Variants in ANO3 observed in about 807,000 individuals in gnomAD.
The protein encoded by ANO3 is anoctamin-3.
Under a neutral mutation model 144.8 loss-of-function variants are expected in ANO3, and 99 were observed. That is an observed-to-expected ratio of 0.68 (90% CI 0.58 to 0.81). The LOEUF is 0.81. Ranked by LOEUF, ANO3 falls within the 30% of genes least tolerant of loss-of-function variation. ANO3 has a pLI of 0.00. For synonymous variants in ANO3, 414 were observed against 392.6 expected (o/e 1.05, Z -0.64); for missense variants, 905 against 1,202.2 (o/e 0.75, Z 3.66).
chr11:26,535,847 T>G lies in ANO3; in HGVS notation c.976+1285T>G, dbSNP rs562125058. The stretch of plus-strand genomic sequence containing the variant: ...ATCTGCCCGCCTCAGCCTCCCAAAG[T>G]GCTGGGATTACAGGTGTGAGCCACT... On this transcript the variant is annotated intron_variant, in intron 9 of 26. Transcript: ENST00000256737. Among the ~76,000 whole-genome samples the G allele has an allele frequency of 6.1e-4, 93 of 151,992 alleles. 1 individual carries two copies. Among genetic ancestry groups the G allele is most frequent in the African/African-American group, 2.1e-3 (87 of 41,474 alleles).
intron 1 of ANO3, among the ~76,000 whole-genome samples, chr11:26,312,707 T>A (rs1442880527): frequency 6.6e-6 from 1 of 152,174 alleles, no homozygotes; most frequent in Non-Finnish European, 1.5e-5. Context: ...TTCTTGTAAA[T>A]TTGTTTAAGT....
In ANO3 at chr11:26,531,186, A is replaced by C; in HGVS notation, c.738-19A>C. 1.2e-6 allele frequency: 2 copies of C among 1,613,638 alleles called. No individual in the cohort carries two copies. Among genetic ancestry groups the C allele is most frequent in the East Asian group, 2.2e-5 (1 of 44,856 alleles). On this transcript the variant is annotated intron_variant, in intron 7 of 26. Coordinates refer to ENST00000256737, the MANE Select transcript of ANO3 (RefSeq NM_031418.4). ...TGGAATACAACCTAATCTAGTTCTC[A>C]AATGTGACTTCATTCCAGGATGCAA... is the stretch of plus-strand genomic sequence containing the variant.
At chr11:26,349,019 T>C (rs1308687077) in intron 1 of ANO3, among the ~76,000 whole-genome samples, 3 of 152,214 alleles carry the variant, frequency 2.0e-5, no homozygotes, top group Non-Finnish European at 2.9e-5. Context: ...GGAGGACTTA[T>C]GATTGTTCAC....
chr11:26,437,536 G>A (rs1858338438), intron 1 of ANO3, among the ~76,000 whole-genome samples: 1 of 152,188 alleles, frequency 6.6e-6, no homozygotes, highest in Admixed American at 6.5e-5. Context: ...TGGTCAGCTT[G>A]TTTTCTTGAT....
chr11:26,620,891 A>G (rs1852395818), intron 17 of ANO3, among the ~76,000 whole-genome samples: 1 of 152,212 alleles, frequency 6.6e-6, no homozygotes. Context: ...GTAATGTCAA[A>G]TGACTCATCT....
At chr11:26,250,081 T>TA (rs1372194070) in intron 1 of ANO3, among the ~76,000 whole-genome samples, 1 of 152,208 alleles carries the variant, frequency 6.6e-6, no homozygotes. Context: ...TAGCCCTACA[T>TA]AACTACAACC....
intron 19 of ANO3, 70 bp downstream of exon 19, chr11:26,634,385 T>C: frequency 1.0e-6 from 1 of 982,884 alleles, no homozygotes; most frequent in South Asian, 1.6e-5. Flanking sequence ...TGACGATTAC[T>C]GTTCTTACTC....
chr11:26,652,395 G>A (rs1280691712), intron 24 of ANO3, among the ~76,000 whole-genome samples: 2 of 152,026 alleles, frequency 1.3e-5, no homozygotes, highest in Admixed American at 6.5e-5. Context: ...TTCCACAGAC[G>A]TCTATTATCA....
intron 1 of ANO3, among the ~76,000 whole-genome samples, chr11:26,323,884 T>A (rs1431141911): frequency 6.6e-6 from 1 of 152,160 alleles, no homozygotes. Flanking sequence ...CATATTCCCA[T>A]CTCCATCTTA....
At chr11:26,321,081 C>A (rs1000897765) in intron 1 of ANO3, among the ~76,000 whole-genome samples, 1 of 152,044 alleles carries the variant, frequency 6.6e-6, no homozygotes, top group African/African-American at 2.4e-5. Context: ...TCTCCTTGGA[C>A]AATGTACTGT....
Position 26,656,108 on chromosome 11 carries a change from T to C in ANO3, c.2577-17T>C. ...GTATGAATCTTTGAATCACATGATA[T>C]TTTTCTTTTCTCCCAGTTGCTTGAA... On this transcript the variant is annotated splice_polypyrimidine_tract_variant and intron_variant, in intron 24 of 26. Transcript: ENST00000256737. 7 of 1,587,786 alleles carry C rather than the reference T, an allele frequency of 4.4e-6. No individual in the cohort carries two copies. Among genetic ancestry groups the C allele is most frequent in the Non-Finnish European group, 6.0e-6 (7 of 1,158,716 alleles).
chr11:26,429,176 T>C (rs1361258092), intron 1 of ANO3, among the ~76,000 whole-genome samples: 1 of 152,146 alleles, frequency 6.6e-6, no homozygotes, highest in East Asian at 1.9e-4. Context: ...GTAGGGGTGC[T>C]ACTGCTGCTG....
At chr11:26,630,284 T>C (rs1852733743) in intron 18 of ANO3, among the ~76,000 whole-genome samples, 1 of 152,260 alleles carries the variant, frequency 6.6e-6, no homozygotes, top group African/African-American at 2.4e-5. Flanking sequence ...TTAATTTTCT[T>C]GACAATGTTT....
At chr11:26,508,299 G>A (rs926752002) in intron 5 of ANO3, 37 bp downstream of exon 5, 4 of 1,543,618 alleles carry the variant, frequency 2.6e-6, no homozygotes, top group Non-Finnish European at 3.5e-6. Flanking sequence ...GTGATAAAAT[G>A]TGTTGGAACA....
At chr11:26,393,840 G>A in intron 1 of ANO3, among the ~76,000 whole-genome samples, 1 of 152,060 alleles carries the variant, frequency 6.6e-6, no homozygotes. Flanking sequence ...TGCACATACT[G>A]CTAAATATTT....
At chr11:26,282,240 G>A (rs1361470325) in intron 1 of ANO3, among the ~76,000 whole-genome samples, 1 of 151,906 alleles carries the variant, frequency 6.6e-6, no homozygotes, top group East Asian at 1.9e-4. Context: ...CCAAAGAAAA[G>A]CATATATCTA....
chr11:26,473,669 T>C (rs1859860441), intron 4 of ANO3, among the ~76,000 whole-genome samples: 2 of 151,878 alleles, frequency 1.3e-5, no homozygotes, highest in Admixed American at 6.6e-5. Context: ...CCACCTCCCA[T>C]GTTAATCTGC....
intron 18 of ANO3, among the ~76,000 whole-genome samples, chr11:26,625,903 T>C (rs990012973): frequency 2.6e-5 from 4 of 152,244 alleles, no homozygotes; most frequent in Non-Finnish European, 5.9e-5. Flanking sequence ...ATTTTGCTAC[T>C]TGTAAGTAAG....
intron 14 of ANO3, among the ~76,000 whole-genome samples, chr11:26,578,379 T>A (rs1159180495): frequency 6.6e-6 from 1 of 152,100 alleles, no homozygotes; most frequent in Non-Finnish European, 1.5e-5. Context: ...CGTATTGACA[T>A]AGGAGACAAA....
Sources: allele counts gnomAD v4.1 joint callset (sites outside exome capture counted in the v4.1 genomes callset), GRCh38; gene constraint gnomAD v4.1.1; transcripts MANE v1.5; gene names NCBI Gene and HGNC (gene_info 2026-07-23, HGNC 2026-07-21).